Variants in UPP2 observed in about 807,000 individuals in gnomAD.
UPP2 encodes UPase 2.
A neutral mutation model predicts 26.7 loss-of-function variants in UPP2; 23 were observed. That is an observed-to-expected ratio of 0.86 (90% CI 0.62 to 1.22). The LOEUF (loss-of-function observed/expected upper bound fraction) is 1.22, where lower values mean the gene tolerates loss of function less well. Among genes scored for constraint, UPP2 ranks in the 50% most tolerant of loss-of-function variants. The pLI is 0.00. For missense variants in UPP2, 387 were observed against 396.7 expected, an observed-to-expected ratio of 0.98 and a Z score of 0.21; for synonymous variants, 127 against 141.3, an observed-to-expected ratio of 0.90 and a Z score of 0.72.
chr2:158,109,591 T>C (rs1036140171), intron 2 of UPP2, among the ~76,000 whole-genome samples: 3 of 152,118 alleles, frequency 2.0e-5, no homozygotes, highest in East Asian at 1.9e-4. Context: ...GGATGGGAGA[T>C]TTCTATGGGC....
At chr2:158,065,533 A>G (rs990855874) in intron 3 of UPP2, 2 of 456,562 alleles carry the variant, frequency 4.4e-6, no homozygotes, top group Admixed American at 2.9e-5. Context: ...AGTGTCTTTT[A>G]ACTAAATTAA....
At chr2:158,063,251 A>G (rs1360967075) in intron 3 of UPP2, among the ~76,000 whole-genome samples, 1 of 152,212 alleles carries the variant, frequency 6.6e-6, no homozygotes, top group African/African-American at 2.4e-5. Context: ...AAACTCTGCA[A>G]TTACCTAATG....
At chr2:158,129,476 G>A (rs934753653) in intron 6 of UPP2, among the ~76,000 whole-genome samples, 2 of 152,070 alleles carry the variant, frequency 1.3e-5, no homozygotes, top group Non-Finnish European at 2.9e-5. Context: ...TTGCTCAGAG[G>A]ATGAAATGAG....
intron 4 of UPP2, 106 bp downstream of exon 4, chr2:158,118,044 TAA>T: frequency 4.4e-6 from 4 of 910,504 alleles, no homozygotes; most frequent in Non-Finnish European, 6.8e-6. Flanking sequence ...CCAGATGGGC[TAA>T]AAAGTGTCAG....
chr2:158,110,058 GGTTT>G (rs1384084423), intron 2 of UPP2, among the ~76,000 whole-genome samples: 21 of 152,124 alleles, frequency 1.4e-4, no homozygotes, highest in African/African-American at 4.8e-4. Context: ...ACAACCTGCA[GGTTT>G]GTTACATATG....
chr2:158,011,922 T>C (rs1015792323), intron 2 of UPP2, among the ~76,000 whole-genome samples: 4 of 152,228 alleles, frequency 2.6e-5, no homozygotes, highest in South Asian at 2.1e-4. Context: ...ACAAGGTTCC[T>C]TTCCTTCTAA....
chr2:158,024,168 G>A (rs571692351), intron 3 of UPP2, among the ~76,000 whole-genome samples: 1 of 152,098 alleles, frequency 6.6e-6, no homozygotes, highest in Non-Finnish European at 1.5e-5. Flanking sequence ...CGGATATAGG[G>A]ATCCCCTGGA....
intron 3 of UPP2, among the ~76,000 whole-genome samples, chr2:158,085,647 A>T (rs1682802923): frequency 6.6e-6 from 1 of 152,084 alleles, no homozygotes; most frequent in Non-Finnish European, 1.5e-5. Flanking sequence ...TTTGTCATAG[A>T]TGGCTTTTAT....
At chr2:158,022,360 G>A (rs1244235212) in intron 3 of UPP2, among the ~76,000 whole-genome samples, 2 of 151,112 alleles carry the variant, frequency 1.3e-5, no homozygotes, top group Non-Finnish European at 2.9e-5. Flanking sequence ...TCAGGAAGCT[G>A]AGGCAGGAGA....
chr2:158,118,539 C>G (rs1683491307), intron 4 of UPP2, among the ~76,000 whole-genome samples: 1 of 151,892 alleles, frequency 6.6e-6, no homozygotes, highest in Non-Finnish European at 1.5e-5. Flanking sequence ...TGTATAGAGG[C>G]CTTGGTTTTG....
chr2:158,030,788 G>A (rs1433443812), intron 3 of UPP2, among the ~76,000 whole-genome samples: 2 of 152,224 alleles, frequency 1.3e-5, no homozygotes, highest in Non-Finnish European at 1.5e-5. Flanking sequence ...GAAGCCTTCA[G>A]TCATAGACCC....
chr2:158,117,829 C>A lies in UPP2; in HGVS notation c.345C>A (p.Gly115=), dbSNP rs1574303467. The A allele has an allele frequency of 6.2e-7, 1 of 1,609,232 alleles. No individual in the cohort carries two copies. ...CTTTCTCTTTCTCTCAATAGCACGG[C>A]ATGGGCATCCCCTCCATTTCTATTA... ...KTGPVLAISH[G]MGIPSISIML... The change falls in exon 4 of 7, where the codon GGC becomes GGA. Residue 115 remains glycine (G), a synonymous_variant. Transcript: ENST00000005756.
At chr2:158,093,014 G>A (rs767282042) in intron 3 of UPP2, among the ~76,000 whole-genome samples, 21 of 152,070 alleles carry the variant, frequency 1.4e-4, no homozygotes, top group Admixed American at 3.9e-4. Flanking sequence ...TCCGCCTCCC[G>A]GGTTCAAGTG....
At chr2:158,041,275 A>G (rs1331867710) in intron 3 of UPP2, among the ~76,000 whole-genome samples, 2 of 152,226 alleles carry the variant, frequency 1.3e-5, no homozygotes, top group African/African-American at 2.4e-5. Flanking sequence ...TATTTATTTT[A>G]TATTTACCAG....
intron 6 of UPP2, among the ~76,000 whole-genome samples, chr2:158,129,934 T>C (rs189284558): frequency 5.4e-4 from 82 of 152,078 alleles, no homozygotes; most frequent in African/African-American, 2.0e-3. Flanking sequence ...AATTTGTGTG[T>C]GTATGGGTTT....
At chr2:158,111,932 A>G (rs1683327780) in intron 2 of UPP2, among the ~76,000 whole-genome samples, 1 of 152,204 alleles carries the variant, frequency 6.6e-6, no homozygotes, top group South Asian at 2.1e-4. Flanking sequence ...TGAAAACAAC[A>G]AGCATTATTG....
Position 158,115,105 on chromosome 2 carries a change from T to A in UPP2, c.185T>A (p.Val62Asp). The change falls in exon 3 of 7, where the codon GTC (valine) becomes GAC (aspartate). Residue 62 changes from valine (V) to aspartate (D), a missense_variant. Transcript: ENST00000005756. ...LPAMFGDVKF[V>D]CVGGSPNRMK... The stretch of plus-strand genomic sequence containing the variant: ...CTTGTTTATTTTTATTAACAGTTTG[T>A]CTGTGTCGGTGGGAGCCCCAACAGA... 5 of 1,602,100 alleles carry A rather than the reference T, an allele frequency of 3.1e-6. No individual in the cohort carries two copies. Among genetic ancestry groups the A allele is most frequent in the Non-Finnish European group, 4.3e-6 (5 of 1,176,460 alleles).
At position 158,102,117 on chromosome 2, in the gene UPP2, A is replaced by G; in HGVS notation, c.54A>G (p.Thr18=). Residue 18 remains threonine, a synonymous_variant, in exon 1 of 7, where the codon ACA becomes ACG. Transcript: ENST00000005756. ...SNRSMRSDRN[T]YVGKRFVHVK... is the part of the protein sequence containing the mutation. Reference sequence around the variant, plus strand: ...GGTCCATGAGATCTGACAGGAATACATATGTTGGGTGAGTAATTTTGATTT... The same window carrying G: ...GGTCCATGAGATCTGACAGGAATACGTATGTTGGGTGAGTAATTTTGATTT... 5 of 1,612,436 alleles carry G rather than the reference A, an allele frequency of 3.1e-6. No individual in the cohort carries two copies. Among genetic ancestry groups the G allele is most frequent in the Non-Finnish European group, 4.2e-6 (5 of 1,179,440 alleles).
chr2:158,073,899 G>T (rs1161327134), intron 3 of UPP2, among the ~76,000 whole-genome samples: 1 of 152,198 alleles, frequency 6.6e-6, no homozygotes, highest in African/African-American at 2.4e-5. Context: ...TGAGGGCCAG[G>T]TATAGTGGCT....
Sources: allele counts gnomAD v4.1 joint callset (sites outside exome capture counted in the v4.1 genomes callset), GRCh38; gene constraint gnomAD v4.1.1; transcripts MANE v1.5; gene names NCBI Gene and HGNC (gene_info 2026-07-23, HGNC 2026-07-21).